The following MYO1B variants were observed in gnomAD, a reference collection of about 807,000 sequenced individuals.
MYO1B encodes the protein unconventional myosin-Ib.
MYO1B carries 72 observed loss-of-function variants against 159.7 expected under a neutral mutation model. The observed-to-expected ratio is 0.45, with a 90% CI of 0.37 to 0.55. The LOEUF is 0.55. Among genes scored for constraint, MYO1B ranks in the 20% least tolerant of loss-of-function variants. The pLI is 0.00. For missense variants in MYO1B, 1,062 were observed against 1,364.8 expected (o/e 0.78, Z 3.50); for synonymous variants, 468 against 473.8 (o/e 0.99, Z 0.16).
At chr2:191,305,625 G>A (rs1325235990) in intron 3 of MYO1B, among the ~76,000 whole-genome samples, 3 of 152,204 alleles carry the variant, frequency 2.0e-5, no homozygotes, top group African/African-American at 7.2e-5. Flanking sequence ...GGCTGGCGTG[G>A]GAGACAGACT....
intron 1 of MYO1B, among the ~76,000 whole-genome samples, chr2:191,254,269 G>A (rs1476096485): frequency 6.6e-6 from 1 of 152,106 alleles, no homozygotes; most frequent in Non-Finnish European, 1.5e-5. Flanking sequence ...CTGGAGTGCA[G>A]TGGCATAATC....
chr2:191,404,147 A>T lies in MYO1B; in HGVS notation c.2556+1429A>T, dbSNP rs557272578. Among the ~76,000 whole-genome samples the T allele has an allele frequency of 4.6e-5, 7 of 152,308 alleles. No homozygotes were observed. The East Asian group carries it at 1.3e-3, about 29-fold the overall frequency. ...TTTTCTAAAAGAGAATCATGTTAATATGAATGATAATTTTGCCCTCTCAAA... is the reference window on the plus strand; with the variant it reads ...TTTTCTAAAAGAGAATCATGTTAATTTGAATGATAATTTTGCCCTCTCAAA... On this transcript the variant is annotated intron_variant, in intron 24 of 30. Coordinates refer to ENST00000392318, the MANE Select transcript of MYO1B (RefSeq NM_001130158.3).
Position 191,396,414 on chromosome 2 carries a change from C to T in MYO1B, c.2227-15C>T. 2 of 1,613,518 alleles carry T rather than the reference C, an allele frequency of 1.2e-6. No homozygotes were observed. Among genetic ancestry groups the T allele is most frequent in the Non-Finnish European group, 1.7e-6 (2 of 1,179,478 alleles). On this transcript the variant is annotated splice_polypyrimidine_tract_variant and intron_variant, in intron 20 of 30. Transcript: ENST00000392318. Reference sequence around the variant, plus strand: ...TTAACTACAACTGCCAATATCTTCCCCTTTTATCCTACAGCAACAAAAGAG... The same window carrying T: ...TTAACTACAACTGCCAATATCTTCCTCTTTTATCCTACAGCAACAAAAGAG...
At chr2:191,387,530 C>T (rs769250050) in intron 17 of MYO1B, 80 bp downstream of exon 17, 2 of 1,237,106 alleles carry the variant, frequency 1.6e-6, no homozygotes, top group South Asian at 2.4e-5. Context: ...TTGCTTCAAT[C>T]TGAGTGTAGC....
In MYO1B at chr2:191,276,840, A is replaced by C; in HGVS notation, c.-9-47A>C. On this transcript the variant is annotated intron_variant, in intron 1 of 30. Coordinates refer to ENST00000392318, the MANE Select transcript of MYO1B (RefSeq NM_001130158.3). ...TGCAGTAGTGCCAAGAACCTATTTG[A>C]AATTATTTTGCTCGTTTAAATTGAC... The C allele has an allele frequency of 6.4e-6, 10 of 1,564,328 alleles. No individual in the cohort carries two copies. In the South Asian group the frequency reaches 1.2e-4, roughly 19 times the overall value.
chr2:191,313,192 C>CTTTTTTTTT (rs762175060), intron 3 of MYO1B, among the ~76,000 whole-genome samples: 437 of 43,008 alleles, frequency 0.01, 103 homozygotes, highest in Non-Finnish European at 0.013. Flanking sequence ...GCACACATGG[C>CTTTTTTTTT]TTTTTTTTTT....
intron 2 of MYO1B, among the ~76,000 whole-genome samples, chr2:191,295,564 G>C (rs889769151): frequency 6.6e-6 from 1 of 152,170 alleles, no homozygotes; most frequent in African/African-American, 2.4e-5. Context: ...ATGTCCAAGA[G>C]ATACCTGTAG....
Position 191,381,496 on chromosome 2 carries a change from G to A in MYO1B, c.1220G>A (p.Cys407Tyr). 2.5e-6 allele frequency: 4 copies of A among 1,613,688 alleles called. No individual in the cohort carries two copies. The highest frequency in any genetic ancestry group is 3.4e-6 in the Non-Finnish European group (4 of 1,179,746). ...NSFEQFIINYCNEKLQQIFIE... is the reference protein window; with the variant it reads ...NSFEQFIINYYNEKLQQIFIE... ...TTTGAGCAGTTCATTATTAATTATT[G>A]TAACGAAAAGCTGCAACAAATCTTC... is the stretch of plus-strand genomic sequence containing the variant. The change falls in exon 14 of 31, where the codon TGT becomes TAT. Residue 407 changes from cysteine (C) to tyrosine (Y), a missense_variant. Around this residue, in one of 5 missense-constraint regions of MYO1B, gnomAD observed 415 missense variants for 544.0 expected, o/e 0.76. Coordinates refer to ENST00000392318, the MANE Select transcript of MYO1B (RefSeq NM_001130158.3).
At chr2:191,250,796 C>A (rs1686063848) in intron 1 of MYO1B, among the ~76,000 whole-genome samples, 1 of 152,150 alleles carries the variant, frequency 6.6e-6, no homozygotes, top group South Asian at 2.1e-4. Flanking sequence ...CTTTCCAGAA[C>A]AACGAAGTGC....
intron 1 of MYO1B, among the ~76,000 whole-genome samples, chr2:191,253,090 C>G (rs1686224267): frequency 6.6e-6 from 1 of 152,132 alleles, no homozygotes; most frequent in African/African-American, 2.4e-5. Flanking sequence ...AAAAAATACC[C>G]TACCCATAAA....
At chr2:191,260,385 T>C (rs1686739461) in intron 1 of MYO1B, among the ~76,000 whole-genome samples, 1 of 151,690 alleles carries the variant, frequency 6.6e-6, no homozygotes, top group Non-Finnish European at 1.5e-5. Context: ...ACTGTTTTGG[T>C]TGTTTTGGGC....
intron 20 of MYO1B, among the ~76,000 whole-genome samples, chr2:191,394,427 T>G (rs1049001376): frequency 6.6e-6 from 1 of 152,230 alleles, no homozygotes; most frequent in African/African-American, 2.4e-5. Context: ...TTGAGGTCAT[T>G]AAGAAAAGTT....
intron 1 of MYO1B, among the ~76,000 whole-genome samples, chr2:191,270,217 G>T (rs1687377641): frequency 4.6e-5 from 7 of 152,156 alleles, no homozygotes; most frequent in Admixed American, 3.9e-4. Flanking sequence ...CCAATTCATT[G>T]GTTGTAAAAA....
At chr2:191,338,617 G>C (rs1692010069) in intron 4 of MYO1B, among the ~76,000 whole-genome samples, 2 of 152,138 alleles carry the variant, frequency 1.3e-5, no homozygotes, top group Admixed American at 1.3e-4. Flanking sequence ...GCCACCAAAA[G>C]ATTCTCATTC....
intron 1 of MYO1B, among the ~76,000 whole-genome samples, chr2:191,267,157 G>A (rs114714668): frequency 0.039 from 5,979 of 152,138 alleles, 401 homozygotes; most frequent in African/African-American, 0.14. Flanking sequence ...TGAATTAATA[G>A]CCCCTCCCAC....
At chr2:191,247,775 T>C (rs1481842188) in intron 1 of MYO1B, among the ~76,000 whole-genome samples, 5 of 152,244 alleles carry the variant, frequency 3.3e-5, no homozygotes, top group Non-Finnish European at 7.3e-5. Flanking sequence ...TTGCTGCTAC[T>C]GGAGATGTGG....
In MYO1B at chr2:191,364,519, C is replaced by T. The variant is rs561424220; in HGVS notation, c.1032+243C>T. Among the ~76,000 whole-genome samples, 606 of 106,342 alleles carry T rather than the reference C, an allele frequency of 5.7e-3. 4 individuals carry two copies. Among genetic ancestry groups the T allele is most frequent in the African/African-American group, 0.026 (590 of 22,614 alleles). 69.8% of individuals were successfully genotyped at this position (106,342 alleles called of 152,430 possible). On this transcript the variant is annotated intron_variant, in intron 11 of 30. Coordinates refer to ENST00000392318, the MANE Select transcript of MYO1B (RefSeq NM_001130158.3). The stretch of plus-strand genomic sequence containing the variant: ...AAACAAGTGCTGTAGCAAACTAGCC[C>T]GTGGTGTATGATCAGTGAACTGAGA...
At chr2:191,407,767 C>A (rs548014496) in intron 24 of MYO1B, 10,422 of 157,560 alleles carry the variant, frequency 0.066, 684 homozygotes, top group African/African-American at 0.17. Flanking sequence ...TTTTACAAAA[C>A]AATCTGAAGA....
At chr2:191,265,367 A>G (rs552749625) in intron 1 of MYO1B, among the ~76,000 whole-genome samples, 1 of 152,236 alleles carries the variant, frequency 6.6e-6, no homozygotes, top group South Asian at 2.1e-4. Context: ...ATGAAGGTGT[A>G]CCTTGAGTGA....
Sources: gnomAD v4.1 joint callset for allele counts (sites outside exome capture counted in the v4.1 genomes callset) on GRCh38, gnomAD v4.1.1 for gene constraint, gnomAD v4.1.1 regional missense constraint, MANE v1.5 for transcripts, NCBI Gene and HGNC (gene_info 2026-07-23, HGNC 2026-07-21) for gene names.